Variants in LIN52 observed in about 807,000 individuals in gnomAD.
LIN52 encodes protein lin-52 homolog.
A neutral mutation model predicts 18.5 loss-of-function variants in LIN52; 4 were observed. The ratio of observed to expected loss-of-function variants is 0.22; its 90% CI spans 0.11 to 0.49. The LOEUF is 0.49. Among genes scored for constraint, LIN52 ranks in the 20% least tolerant of loss-of-function variants. LIN52 has a pLI of 0.97. For synonymous variants in LIN52, 34 were observed against 45.5 expected (o/e 0.75, Z 1.02); for missense variants, 102 against 139.5 (o/e 0.73, Z 1.35).
intron 5 of LIN52, among the ~76,000 whole-genome samples, chr14:74,109,815 C>T (rs148434172): frequency 2.0e-4 from 31 of 152,292 alleles, no homozygotes; most frequent in African/African-American, 5.8e-4. Flanking sequence ...TCTGCAACTT[C>T]GTTGAACTTA....
At chr14:74,159,370 C>T (rs552464359) in intron 5 of LIN52, among the ~76,000 whole-genome samples, 24 of 152,264 alleles carry the variant, frequency 1.6e-4, no homozygotes, top group Middle Eastern at 6.8e-3. Context: ...AACCTTCATT[C>T]AGCAAAATAT....
At chr14:74,133,607 AC>A (rs1445859428) in intron 5 of LIN52, among the ~76,000 whole-genome samples, 1 of 152,240 alleles carries the variant, frequency 6.6e-6, no homozygotes, top group Non-Finnish European at 1.5e-5. Context: ...CTAGTATCAA[AC>A]ATAACAGTCC....
chr14:74,152,069 C>T (rs890963828), intron 5 of LIN52, among the ~76,000 whole-genome samples: 3 of 152,062 alleles, frequency 2.0e-5, no homozygotes, highest in Admixed American at 6.6e-5. Context: ...TCGGGACCAG[C>T]CTGTCCAACA....
At chr14:74,113,272 A>G (rs368432894) in intron 5 of LIN52, among the ~76,000 whole-genome samples, 3 of 152,092 alleles carry the variant, frequency 2.0e-5, no homozygotes, top group South Asian at 2.1e-4. Context: ...GGCGCCTGTA[A>G]TCTCAGCTAC....
chr14:74,196,484 C>A (rs938899539), intron 5 of LIN52, among the ~76,000 whole-genome samples: 1 of 152,034 alleles, frequency 6.6e-6, no homozygotes, highest in Non-Finnish European at 1.5e-5. Context: ...TTGTATTGAC[C>A]GTGTCTGGTT....
intron 5 of LIN52, among the ~76,000 whole-genome samples, chr14:74,188,005 A>G (rs566531123): frequency 1.3e-5 from 2 of 152,324 alleles, no homozygotes; most frequent in Non-Finnish European, 2.9e-5. Context: ...GTTTTCTGTC[A>G]TAAGTATTAA....
At chr14:74,164,928 A>T (rs1249320794) in intron 5 of LIN52, among the ~76,000 whole-genome samples, 1 of 152,194 alleles carries the variant, frequency 6.6e-6, no homozygotes, top group Non-Finnish European at 1.5e-5. Context: ...AACTTGGAGA[A>T]AACAGAATAT....
At chr14:74,197,130 A>G (rs2078917730) in intron 5 of LIN52, among the ~76,000 whole-genome samples, 1 of 152,224 alleles carries the variant, frequency 6.6e-6, no homozygotes, top group Admixed American at 6.5e-5. Context: ...CATGTAGAGA[A>G]TGGAGCACTG....
At chr14:74,105,706 AAAAT>A (rs2060893231) in intron 5 of LIN52, among the ~76,000 whole-genome samples, 1 of 152,184 alleles carries the variant, frequency 6.6e-6, no homozygotes, top group South Asian at 2.1e-4. Context: ...ACATGGGTGA[AAAAT>A]AAGCAGTAGG....
intron 5 of LIN52, among the ~76,000 whole-genome samples, chr14:74,122,049 A>G (rs185970037): frequency 3.4e-3 from 519 of 152,326 alleles, no homozygotes; most frequent in Non-Finnish European, 4.7e-3. Flanking sequence ...AATTCACACT[A>G]GTAATGTAGT....
At chr14:74,120,744 G>C (rs570096533) in intron 5 of LIN52, among the ~76,000 whole-genome samples, 29 of 144,398 alleles carry the variant, frequency 2.0e-4, no homozygotes, top group African/African-American at 6.9e-4. Context: ...AACAGAGTGA[G>C]ACTCCCTCTC....
chr14:74,177,971 G>A (rs2061301134), intron 5 of LIN52, among the ~76,000 whole-genome samples: 1 of 152,024 alleles, frequency 6.6e-6, no homozygotes, highest in South Asian at 2.1e-4. Flanking sequence ...TAGAGACGGG[G>A]TTTCATCATG....
chr14:74,136,809 C>A (rs540074309), intron 5 of LIN52, among the ~76,000 whole-genome samples: 1 of 152,024 alleles, frequency 6.6e-6, no homozygotes, highest in Non-Finnish European at 1.5e-5. Flanking sequence ...CAGCTGCCCC[C>A]CTTAATCAGA....
chr14:74,149,879 G>T (rs2061169106), intron 5 of LIN52, among the ~76,000 whole-genome samples: 1 of 152,084 alleles, frequency 6.6e-6, no homozygotes, highest in Non-Finnish European at 1.5e-5. Flanking sequence ...TGGATTCCAG[G>T]TCATAGTCCT....
intron 4 of LIN52, among the ~76,000 whole-genome samples, chr14:74,099,983 A>C (rs761521621): frequency 6.6e-6 from 1 of 152,250 alleles, no homozygotes; most frequent in Non-Finnish European, 1.5e-5. Context: ...CTCCAACAGT[A>C]TGCTGTCTTT....
At chr14:74,120,670 G>A (rs1172511758) in intron 5 of LIN52, among the ~76,000 whole-genome samples, 4 of 151,308 alleles carry the variant, frequency 2.6e-5, no homozygotes, top group Non-Finnish European at 4.4e-5. Context: ...CAGGAGAATC[G>A]CTTGAACCTG....
intron 5 of LIN52, among the ~76,000 whole-genome samples, chr14:74,186,710 A>G (rs931678386): frequency 7.2e-5 from 11 of 151,940 alleles, no homozygotes; most frequent in Admixed American, 7.2e-4. Flanking sequence ...TCAAGAAAGC[A>G]CCTGAAGGCC....
At chr14:74,195,192 ACTCT>A (rs1277008298) in intron 5 of LIN52, among the ~76,000 whole-genome samples, 1 of 151,794 alleles carries the variant, frequency 6.6e-6, no homozygotes, top group African/African-American at 2.4e-5. Context: ...TCTATATAAC[ACTCT>A]CTCTCTCCCA....
At chr14:74,162,435 C>T (rs1474771252) in intron 5 of LIN52, among the ~76,000 whole-genome samples, 1 of 131,984 alleles carries the variant, frequency 7.6e-6, no homozygotes. Flanking sequence ...GAAATCGCCA[C>T]TGTACTCCAG....
Sources: allele counts gnomAD v4.1 joint callset (sites outside exome capture counted in the v4.1 genomes callset), GRCh38; gene constraint gnomAD v4.1.1; transcripts MANE v1.5; gene names NCBI Gene and HGNC (gene_info 2026-07-23, HGNC 2026-07-21).